Variants in ADGRE3 observed in about 807,000 individuals in gnomAD.
The protein encoded by ADGRE3 is EGF-like module receptor 3.
Under a neutral mutation model 80.1 loss-of-function variants are expected in ADGRE3, and 88 were observed. The ratio of observed to expected loss-of-function variants is 1.10; its 90% CI spans 0.93 to 1.31. The LOEUF is 1.31. Among genes scored for constraint, ADGRE3 ranks in the 40% most tolerant of loss-of-function variants. The probability of loss-of-function intolerance (pLI) is 0.00; values close to 1 mark genes in which losing one functional copy is unlikely to be tolerated. For missense variants in ADGRE3, 715 were observed against 776.5 expected (o/e 0.92, Z 0.94); for synonymous variants, 281 against 294.8 (o/e 0.95, Z 0.48).
At chr19:14,641,814 A>C (rs759110179) in intron 9 of ADGRE3, among the ~76,000 whole-genome samples, 198 bp from the exon 10 acceptor site, 9 of 152,110 alleles carry the variant, frequency 5.9e-5, no homozygotes, top group Non-Finnish European at 1.2e-4. Flanking sequence ...GTTAATGTAG[A>C]CTGCCAATGT....
chr19:14,639,073 G>T (rs1243465799), intron 10 of ADGRE3, among the ~76,000 whole-genome samples: 1 of 151,896 alleles, frequency 6.6e-6, no homozygotes, highest in Admixed American at 6.6e-5. Flanking sequence ...ACTAATTTTT[G>T]CAGAGACGGG....
At position 14,641,625 on chromosome 19, in the gene ADGRE3, G is replaced by C. The variant is rs777326761; in HGVS notation, c.1051-9C>G. Reference sequence around the variant, plus strand: ...AGCACGGGATCCTCCTCCTGGGACCGAGAAAAAAAGTTCACAGTGATGCTT... The same window carrying C: ...AGCACGGGATCCTCCTCCTGGGACCCAGAAAAAAAGTTCACAGTGATGCTT... On this transcript the variant is annotated splice_polypyrimidine_tract_variant and intron_variant, in intron 9 of 15. Coordinates refer to ENST00000253673, the MANE Select transcript of ADGRE3 (RefSeq NM_032571.5). The C allele has an allele frequency of 2.0e-5, 33 of 1,613,484 alleles. No individual in the cohort carries two copies. Among genetic ancestry groups the C allele is most frequent in the East Asian group, 4.5e-5 (2 of 44,864 alleles).
Position 14,672,903 on chromosome 19 carries a change from A to C in ADGRE3, c.25+1843T>G, listed in dbSNP as rs142104528. Among the ~76,000 whole-genome samples, 1,459 of 152,154 alleles carry C rather than the reference A, an allele frequency of 9.6e-3. 10 individuals carry two copies. The highest frequency in any genetic ancestry group is 0.027 in the South Asian group (130 of 4,816). ...TTTGGGATTATAGGTATGAGCCTCC[A>C]TGCCCAACCCTGGAATCCTAATTCT... On this transcript the variant is annotated intron_variant, in intron 1 of 15. Coordinates refer to ENST00000253673, the MANE Select transcript of ADGRE3 (RefSeq NM_032571.5).
intron 7 of ADGRE3, among the ~76,000 whole-genome samples, chr19:14,650,853 C>G (rs1381012563): frequency 1.3e-5 from 2 of 152,144 alleles, no homozygotes; most frequent in Non-Finnish European, 2.9e-5. Flanking sequence ...GGGACACAGG[C>G]AGAACAGCAC....
At chr19:14,656,264 G>T (rs1026851425) in intron 5 of ADGRE3, among the ~76,000 whole-genome samples, 7 of 147,632 alleles carry the variant, frequency 4.7e-5, no homozygotes, top group Admixed American at 2.1e-4. Flanking sequence ...AGAATCGCTT[G>T]AACCTGGAAG....
At chr19:14,623,598 A>T (rs750254196) in intron 15 of ADGRE3, among the ~76,000 whole-genome samples, 17 of 152,134 alleles carry the variant, frequency 1.1e-4, no homozygotes, top group Non-Finnish European at 2.2e-4. Context: ...GATTCCCTGC[A>T]CCCATCCTCT....
intron 12 of ADGRE3, 104 bp downstream of exon 12, chr19:14,633,132 A>G: frequency 7.6e-7 from 1 of 1,314,468 alleles, no homozygotes; most frequent in Non-Finnish European, 1.1e-6. Flanking sequence ...GCAGGTGGAA[A>G]ATCAAACCAC....
At chr19:14,627,409 G>T (rs532575577) in intron 14 of ADGRE3, among the ~76,000 whole-genome samples, 4 of 152,018 alleles carry the variant, frequency 2.6e-5, no homozygotes, top group Non-Finnish European at 1.5e-5. Flanking sequence ...ACGGAGTCTC[G>T]CTCTGTTGCT....
intron 4 of ADGRE3, among the ~76,000 whole-genome samples, chr19:14,658,765 C>T (rs901229989): frequency 1.3e-4 from 20 of 152,010 alleles, no homozygotes; most frequent in Non-Finnish European, 2.9e-4. Context: ...GACAGAGTCT[C>T]ACTCTGTTGC....
chr19:14,665,934 G>GTATA (rs1599652992), intron 2 of ADGRE3, among the ~76,000 whole-genome samples: 6 of 8,750 alleles, frequency 6.9e-4, no homozygotes, highest in Admixed American at 2.8e-3. Flanking sequence ...ACACACATAT[G>GTATA]TGTATATATA....
At chr19:14,626,770 C>T (rs907325798) in intron 14 of ADGRE3, among the ~76,000 whole-genome samples, 2 of 152,168 alleles carry the variant, frequency 1.3e-5, no homozygotes, top group African/African-American at 4.8e-5. Context: ...CATTCAGGAG[C>T]TCTGGGGTAG....
intron 8 of ADGRE3, among the ~76,000 whole-genome samples, chr19:14,646,622 G>A (rs1599630331): frequency 7.4e-6 from 1 of 135,878 alleles, no homozygotes; most frequent in Admixed American, 7.6e-5. Context: ...GTTTGACATT[G>A]GTTTGGGGAA....
chr19:14,611,164 CGGA>C, the ADGRE3 span: 1 of 151,940 alleles, frequency 6.6e-6, no homozygotes, highest in African/African-American at 2.4e-5. Context: ...AGAACATCAG[CGGA>C]GAAGACAGGA....
At chr19:14,618,725 C>T (rs2146783037), downstream of ADGRE3, among the ~76,000 whole-genome samples, 1 of 150,876 alleles carries the variant, frequency 6.6e-6, no homozygotes, top group South Asian at 2.1e-4. Flanking sequence ...ACATGGTGGT[C>T]CATACCTGTA....
At chr19:14,665,977 T>TATATATATAA in intron 2 of ADGRE3, among the ~76,000 whole-genome samples, 1 of 134,914 alleles carries the variant, frequency 7.4e-6, no homozygotes, top group East Asian at 2.2e-4. Context: ...TATATATATA[T>TATATATATAA]AGTGTTTTCT....
the ADGRE3 span, among the ~76,000 whole-genome samples, chr19:14,607,496 C>T: frequency 6.6e-6 from 1 of 151,502 alleles, no homozygotes; most frequent in Non-Finnish European, 1.5e-5. Context: ...AGCCACCGCG[C>T]CCGGCCAGGA....
chr19:14,628,874 CACCTGT>C (rs1264087177), intron 14 of ADGRE3: 1 of 163,788 alleles, frequency 6.1e-6, no homozygotes, highest in African/African-American at 2.4e-5. Flanking sequence ...TGGTGGCTTA[CACCTGT>C]AATCCCGGCA....
At position 14,632,920 on chromosome 19, in the gene ADGRE3, C is replaced by T; in HGVS notation, c.1643+1G>A. 1 of 1,600,852 alleles carries T rather than the reference C, an allele frequency of 6.2e-7. No homozygotes were observed. Among genetic ancestry groups the T allele is most frequent in the Non-Finnish European group, 8.6e-7 (1 of 1,168,024 alleles). On this transcript the variant is annotated splice_donor_variant, in intron 13 of 15. Transcript: ENST00000253673. LOFTEE classifies it high-confidence loss of function. ...AGGAAGTACCATTTGTCACATCCTACCTTGTGTTCTGGATGGTTGACACTT... is the reference window on the plus strand; with the variant it reads ...AGGAAGTACCATTTGTCACATCCTATCTTGTGTTCTGGATGGTTGACACTT...
downstream of ADGRE3, among the ~76,000 whole-genome samples, chr19:14,614,595 T>G (rs531845092): frequency 3.4e-3 from 523 of 151,860 alleles, 1 homozygote; most frequent in South Asian, 0.013. Context: ...TTTTTTTTTT[T>G]GGGCAGAGTC....
Sources: gnomAD v4.1 joint callset for allele counts (sites outside exome capture counted in the v4.1 genomes callset) on GRCh38, gnomAD v4.1.1 for gene constraint, MANE v1.5 for transcripts, NCBI Gene and HGNC (gene_info 2026-07-23, HGNC 2026-07-21) for gene names.